Variants in PDE4D observed in about 807,000 individuals in gnomAD.
PDE4D encodes the protein 3',5'-cyclic-AMP phosphodiesterase 4D.
In PDE4D, 24 loss-of-function variants were observed where a neutral mutation model predicts 87.4. The ratio of observed to expected loss-of-function variants is 0.27; its 90% CI spans 0.20 to 0.39. The LOEUF is 0.39. Ranked by LOEUF, PDE4D falls within the 10% of genes least tolerant of loss-of-function variation. The probability of loss-of-function intolerance (pLI) is 1.00; values close to 1 mark genes in which losing one functional copy is unlikely to be tolerated. For synonymous variants in PDE4D, 384 were observed against 383.2 expected (o/e 1.00, Z -0.02); for missense variants, 714 against 1,041.0 (o/e 0.69, Z 4.32).
At chr5:59,931,694 C>CTTTTTTTTTT (rs35943138) in intron 3 of PDE4D, among the ~76,000 whole-genome samples, 64 of 126,590 alleles carry the variant, frequency 5.1e-4, no homozygotes, top group Non-Finnish European at 7.9e-4. Flanking sequence ...TCTTCTTCTT[C>CTTTTTTTTTT]TTTTTTTTTT....
At chr5:59,763,134 C>T (rs959681362) in intron 1 of PDE4D, among the ~76,000 whole-genome samples, 3 of 151,344 alleles carry the variant, frequency 2.0e-5, no homozygotes, top group Admixed American at 2.0e-4. Flanking sequence ...AGAACTGATG[C>T]AAACAATGAC....
intron 1 of PDE4D, among the ~76,000 whole-genome samples, chr5:59,704,946 A>G (rs1259495789): frequency 6.6e-6 from 1 of 152,230 alleles, no homozygotes; most frequent in Non-Finnish European, 1.5e-5. Context: ...GTAATACTGA[A>G]TACTCCAACT....
At chr5:59,875,878 ATG>A (rs1010542871) in intron 1 of PDE4D, among the ~76,000 whole-genome samples, 3 of 152,142 alleles carry the variant, frequency 2.0e-5, no homozygotes, top group Non-Finnish European at 4.4e-5. Flanking sequence ...CAGATACCAC[ATG>A]TTCTCACTTA....
intron 1 of PDE4D, among the ~76,000 whole-genome samples, chr5:59,500,554 G>A (rs1161838752): frequency 6.6e-6 from 1 of 152,056 alleles, no homozygotes; most frequent in Non-Finnish European, 1.5e-5. Context: ...GCTAAACACT[G>A]GAGGCAACAC....
chr5:59,089,897 T>G (rs1241749464), intron 5 of PDE4D, among the ~76,000 whole-genome samples: 1 of 151,988 alleles, frequency 6.6e-6, no homozygotes, highest in East Asian at 1.9e-4. Context: ...GAAGTCCAAA[T>G]AAAAGCAGAG....
chr5:58,979,640 G>A (rs1174385835), intron 11 of PDE4D, among the ~76,000 whole-genome samples: 2 of 152,080 alleles, frequency 1.3e-5, no homozygotes, highest in Non-Finnish European at 2.9e-5. Context: ...GCACAGAGGG[G>A]CAAAGAGGTT....
intron 1 of PDE4D, among the ~76,000 whole-genome samples, chr5:60,322,390 ACACACACACAC>A (rs2149843266): frequency 6.6e-6 from 1 of 150,848 alleles, no homozygotes; most frequent in Admixed American, 6.6e-5. Context: ...ACACACACAC[ACACACACACAC>A]ACACACACAC....
At chr5:60,230,917 G>T (rs976285132) in intron 1 of PDE4D, among the ~76,000 whole-genome samples, 7 of 152,066 alleles carry the variant, frequency 4.6e-5, no homozygotes, top group African/African-American at 1.4e-4. Flanking sequence ...CTTAGTTCTG[G>T]CAGGAACAGG....
intron 4 of PDE4D, among the ~76,000 whole-genome samples, 168 bp from the exon 5 acceptor site, chr5:59,180,812 T>G (rs1741346525): frequency 1.3e-5 from 2 of 152,226 alleles, no homozygotes; most frequent in Non-Finnish European, 2.9e-5. Flanking sequence ...GCGTTCTTTG[T>G]ATTATGGCTC....
intron 1 of PDE4D, among the ~76,000 whole-genome samples, chr5:59,829,653 AC>A (rs1740880452): frequency 6.6e-6 from 1 of 152,098 alleles, no homozygotes; most frequent in Non-Finnish European, 1.5e-5. Context: ...CATTAGTAAG[AC>A]CTACAAACAT....
intron 6 of PDE4D, among the ~76,000 whole-genome samples, chr5:59,030,342 A>G (rs1400789941): frequency 1.3e-5 from 2 of 151,240 alleles, no homozygotes; most frequent in African/African-American, 4.9e-5. Flanking sequence ...TAGTAAGAAA[A>G]CAAATCGATT....
At chr5:59,834,404 G>T (rs943398456) in intron 1 of PDE4D, among the ~76,000 whole-genome samples, 2 of 151,976 alleles carry the variant, frequency 1.3e-5, no homozygotes, top group African/African-American at 4.8e-5. Context: ...ATAAAATAAT[G>T]ATCATAGTTG....
chr5:59,996,328 A>G (rs1197491898), intron 2 of PDE4D, among the ~76,000 whole-genome samples: 1 of 152,146 alleles, frequency 6.6e-6, no homozygotes, highest in African/African-American at 2.4e-5. Flanking sequence ...TTTCCTGTCC[A>G]GTTAGTTTGA....
At chr5:59,460,270 A>C (rs1158903077) in intron 1 of PDE4D, among the ~76,000 whole-genome samples, 1 of 152,232 alleles carries the variant, frequency 6.6e-6, no homozygotes, top group Non-Finnish European at 1.5e-5. Flanking sequence ...TTTTAATAAA[A>C]GTATAACAAA....
intron 3 of PDE4D, among the ~76,000 whole-genome samples, chr5:59,970,224 T>G (rs1432494649): frequency 6.6e-6 from 1 of 152,194 alleles, no homozygotes; most frequent in Non-Finnish European, 1.5e-5. Flanking sequence ...GATTAAAGAC[T>G]TAAACGTTAG....
intron 5 of PDE4D, among the ~76,000 whole-genome samples, chr5:59,161,735 C>T (rs921565611): frequency 1.3e-5 from 2 of 152,154 alleles, no homozygotes; most frequent in Non-Finnish European, 2.9e-5. Flanking sequence ...CAACTGTTAG[C>T]GAAAAGTACG....
rs545905364 is a variant in PDE4D, at chr5:59,134,517, C to T, written c.808+46078G>A. Among the ~76,000 whole-genome samples the T allele has an allele frequency of 2.1e-4, 32 of 152,174 alleles. No homozygotes were observed. The South Asian group carries it at 4.4e-3, about 21-fold the overall frequency. On this transcript the variant is annotated intron_variant, in intron 5 of 14. Coordinates refer to ENST00000340635, the MANE Select transcript of PDE4D (RefSeq NM_001104631.2). ...CATGTTCCTTTGAATTTAACTAAAA[C>T]GTAACAGGATGTTAAAACGAAACCC...
chr5:60,246,042 T>C (rs982278591), intron 1 of PDE4D, among the ~76,000 whole-genome samples: 8 of 150,932 alleles, frequency 5.3e-5, no homozygotes, highest in African/African-American at 1.7e-4. Context: ...GTACAAAATA[T>C]CTCATGTACC....
At chr5:58,982,631 C>G (rs1253537775) in intron 11 of PDE4D, among the ~76,000 whole-genome samples, 1 of 152,182 alleles carries the variant, frequency 6.6e-6, no homozygotes, top group Admixed American at 6.5e-5. Flanking sequence ...GCTGATCCCC[C>G]CAAAATGGTG....
Sources: gnomAD v4.1 joint callset for allele counts (sites outside exome capture counted in the v4.1 genomes callset) on GRCh38, gnomAD v4.1.1 for gene constraint, MANE v1.5 for transcripts, NCBI Gene and HGNC (gene_info 2026-07-23, HGNC 2026-07-21) for gene names.